WDFY2: variants seen among roughly 807,000 people sequenced by gnomAD.
WDFY2 encodes WD repeat and FYVE domain-containing protein 2.
Under a neutral mutation model 56.4 loss-of-function variants are expected in WDFY2, and 36 were observed. The observed-to-expected ratio is 0.64, with a 90% confidence interval of 0.49 to 0.84. The LOEUF is 0.84. WDFY2 is among the 40% of genes least tolerant of loss of function. WDFY2 has a pLI of 0.00. For missense variants in WDFY2, 444 were observed against 512.2 expected (o/e 0.87, Z 1.29); for synonymous variants, 176 against 183.7 (o/e 0.96, Z 0.34).
intron 4 of WDFY2, among the ~76,000 whole-genome samples, chr13:51,706,628 A>G (rs578129091): frequency 4.4e-4 from 67 of 152,322 alleles, no homozygotes; most frequent in African/African-American, 1.5e-3. Context: ...TGAGTTTGGA[A>G]TATAAATTTT....
chr13:51,703,683 G>C, intron 4 of WDFY2, 33 bp downstream of exon 4: 2 of 1,561,222 alleles, frequency 1.3e-6, no homozygotes, highest in South Asian at 1.2e-5. Context: ...TCATTACCCA[G>C]ATTCTAAAAT....
intron 5 of WDFY2, among the ~76,000 whole-genome samples, chr13:51,726,079 A>T (rs1952598867): frequency 6.6e-6 from 1 of 152,168 alleles, no homozygotes. Context: ...TGACCTTGCC[A>T]CTTTTGTTAG....
At chr13:51,641,642 C>T (rs895270890) in intron 1 of WDFY2, among the ~76,000 whole-genome samples, 2 of 149,248 alleles carry the variant, frequency 1.3e-5, no homozygotes, top group Admixed American at 6.6e-5. Flanking sequence ...CCGGCTAAAA[C>T]GGTGAAACCC....
At chr13:51,663,156 A>T (rs188732230) in intron 2 of WDFY2, among the ~76,000 whole-genome samples, 85 of 152,228 alleles carry the variant, frequency 5.6e-4, no homozygotes, top group Non-Finnish European at 9.1e-4. Flanking sequence ...AAAGAAAAAA[A>T]ATGAAACAAA....
intron 1 of WDFY2, among the ~76,000 whole-genome samples, chr13:51,648,445 G>C (rs1483361526): frequency 6.6e-6 from 1 of 152,132 alleles, no homozygotes; most frequent in Non-Finnish European, 1.5e-5. Context: ...CCACTTTTGG[G>C]CCTGATGTAG....
intron 5 of WDFY2, among the ~76,000 whole-genome samples, chr13:51,726,872 A>G (rs1466411897): frequency 6.6e-6 from 1 of 152,006 alleles, no homozygotes; most frequent in Non-Finnish European, 1.5e-5. Flanking sequence ...TTTATATTAG[A>G]GATTTGGGCC....
At chr13:51,587,675 G>T (rs1566296506) in intron 1 of WDFY2, 1 of 152,282 alleles carries the variant, frequency 6.6e-6, no homozygotes, top group East Asian at 1.9e-4. Context: ...AAATGATAAG[G>T]TCCTTTCAAG....
At chr13:51,641,772 G>T (rs958276370) in intron 1 of WDFY2, among the ~76,000 whole-genome samples, 2 of 135,252 alleles carry the variant, frequency 1.5e-5, no homozygotes, top group Admixed American at 1.7e-4. Context: ...CTTGCAGTGA[G>T]CCGAGATCCC....
rs577531044 is a variant in WDFY2, at chr13:51,613,693, C to T, written c.137+28869C>T. On this transcript the variant is annotated intron_variant, in intron 1 of 11. Transcript: ENST00000298125. ...CCTTCTTAGCTGTGATTTTTTTTTT[C>T]GTGGAAAAGTCTTAGATGCCTAAAT... Among the ~76,000 whole-genome samples, 11 of 149,946 alleles carry T rather than the reference C, an allele frequency of 7.3e-5. No individual in the cohort carries two copies. In the South Asian group the frequency reaches 1.5e-3, roughly 20 times the overall value.
intron 1 of WDFY2, among the ~76,000 whole-genome samples, chr13:51,615,189 G>T (rs1473560740): frequency 1.3e-5 from 2 of 152,088 alleles, no homozygotes; most frequent in Non-Finnish European, 2.9e-5. Context: ...TGCAACACAA[G>T]TTGAAAAGTC....
chr13:51,684,523 A>T (rs1042355827), intron 3 of WDFY2, among the ~76,000 whole-genome samples: 1 of 151,956 alleles, frequency 6.6e-6, no homozygotes, highest in Non-Finnish European at 1.5e-5. Flanking sequence ...CTGTGGCTTA[A>T]TTATCCTATA....
In WDFY2 at chr13:51,751,366, G is replaced by T; in HGVS notation, c.782G>T (p.Gly261Val). Residue 261 changes from glycine (G) to valine (V), a missense_variant, in exon 8 of 12, where the codon GGC becomes GTC. Transcript: ENST00000298125. ...CACACGCGACAATTGATCTCCTGTG[G>T]CGGTGATGGTGGGATTGTCGTCTGG... ...AQHTRQLISC[G>V]GDGGIVVWNM... 3 of 1,614,122 alleles carry T rather than the reference G, an allele frequency of 1.9e-6. No individual in the cohort carries two copies. Among genetic ancestry groups the T allele is most frequent in the Non-Finnish European group, 2.5e-6 (3 of 1,179,972 alleles).
intron 3 of WDFY2, 126 bp downstream of exon 3, chr13:51,675,369 G>T: frequency 4.9e-6 from 4 of 821,104 alleles, no homozygotes; most frequent in Non-Finnish European, 7.6e-6. Context: ...AAATTGCAGC[G>T]TAGCAAATTA....
At chr13:51,729,618 C>A (rs1309000289) in intron 6 of WDFY2, among the ~76,000 whole-genome samples, 1 of 152,028 alleles carries the variant, frequency 6.6e-6, no homozygotes, top group Admixed American at 6.6e-5. Context: ...TTCCTCTGGC[C>A]CCAGTCTATT....
chr13:51,600,622 C>G (rs191372332), intron 1 of WDFY2, among the ~76,000 whole-genome samples: 14 of 152,126 alleles, frequency 9.2e-5, no homozygotes, highest in African/African-American at 3.4e-4. Flanking sequence ...TGGCTAGGGT[C>G]AGCTGTTCAC....
At chr13:51,640,270 GAT>G in intron 1 of WDFY2, among the ~76,000 whole-genome samples, 1 of 152,264 alleles carries the variant, frequency 6.6e-6, no homozygotes, top group South Asian at 2.1e-4. Flanking sequence ...TACAATTGTT[GAT>G]ATGAGTCAAA....
Position 51,762,173 on chromosome 13 carries a change from G to C in WDFY2, c.*2404G>C, listed in dbSNP as rs1593490734. 1 of 152,306 alleles carries C rather than the reference G, an allele frequency of 6.6e-6. No individual in the cohort carries two copies. The highest frequency in any genetic ancestry group is 1.5e-5 in the Non-Finnish European group (1 of 68,108). The allele number at this position is 152,306 out of a possible 1,614,324, so 9.4% of individuals were successfully genotyped here. ...AAACTTTGAGCTTGGCCTGCCGGCA[G>C]AGAGAGGAACACAGTATTAGGGCAG... On this transcript the variant is annotated 3_prime_UTR_variant, in exon 12 of 12. Coordinates refer to ENST00000298125, the MANE Select transcript of WDFY2 (RefSeq NM_052950.4).
intron 3 of WDFY2, among the ~76,000 whole-genome samples, chr13:51,693,555 T>C (rs1951794059): frequency 6.6e-6 from 1 of 152,212 alleles, no homozygotes; most frequent in African/African-American, 2.4e-5. Flanking sequence ...AGACAGTTTG[T>C]TATAATTTCT....
At chr13:51,687,364 G>A (rs770944881) in intron 3 of WDFY2, among the ~76,000 whole-genome samples, 5 of 151,908 alleles carry the variant, frequency 3.3e-5, no homozygotes, top group Non-Finnish European at 7.4e-5. Flanking sequence ...GGTCATAGAA[G>A]TGATACATGC....
Sources: gnomAD v4.1 joint callset for allele counts (sites outside exome capture counted in the v4.1 genomes callset) on GRCh38, gnomAD v4.1.1 for gene constraint, MANE v1.5 for transcripts, NCBI Gene and HGNC (gene_info 2026-07-23, HGNC 2026-07-21) for gene names.